Variants in RNF32 observed in about 807,000 individuals in gnomAD.
The protein encoded by RNF32 is ring finger protein 32.
RNF32 carries 36 observed loss-of-function variants against 41.0 expected under a neutral mutation model. That is an observed-to-expected ratio of 0.88 (90% CI 0.67 to 1.16). The LOEUF (loss-of-function observed/expected upper bound fraction) is 1.16. RNF32 is among the 50% of genes most tolerant of loss of function. The pLI, the probability that RNF32 is intolerant of heterozygous loss-of-function variation, is 0.00. For missense variants in RNF32, 413 were observed against 436.7 expected (o/e 0.95, Z 0.48); for synonymous variants, 154 against 160.9 (o/e 0.96, Z 0.32).
At chr7:156,642,058 G>A (rs1017592528) in intron 1 of RNF32, among the ~76,000 whole-genome samples, 1 of 152,184 alleles carries the variant, frequency 6.6e-6, no homozygotes, top group Non-Finnish European at 1.5e-5. Context: ...TTCGGTTGGA[G>A]TAATTTAATA....
At position 156,676,621 on chromosome 7, in the gene RNF32, G is replaced by T. The variant is rs746501649; in HGVS notation, c.1055G>T (p.Arg352Leu). The T allele has an allele frequency of 6.2e-7, 1 of 1,613,938 alleles. No homozygotes were observed. Among genetic ancestry groups the T allele is most frequent in the South Asian group, 1.1e-5 (1 of 91,068 alleles). Residue 352 changes from arginine (R) to leucine (L), a missense_variant, in exon 9 of 9, where the codon CGC (arginine) becomes CTC (leucine). Coordinates refer to ENST00000317955, the MANE Select transcript of RNF32 (RefSeq NM_030936.4). ...CCTTTCCATGCCTGTCCTCTCTGCC[G>T]CTCCTGCTACCAGAAGAAGATTCTT... ...RPPFHACPLCRSCYQKKILEC is the reference protein window; with the variant it reads ...RPPFHACPLCLSCYQKKILEC
At position 156,658,144 on chromosome 7, in the gene RNF32, T is replaced by C. The variant is rs762157098; in HGVS notation, c.467T>C (p.Phe156Ser). 2.2e-5 allele frequency: 35 copies of C among 1,613,890 alleles called. No individual in the cohort carries two copies. In the Admixed American group the frequency reaches 5.8e-4, roughly 27 times the overall value. Residue 156 changes from phenylalanine to serine, a missense_variant, in exon 6 of 9, where the codon TTT (phenylalanine) becomes TCT (serine). Transcript: ENST00000317955. ...TTTCTTCAGGCATGTCTTCAGGCTT[T>C]TGAAAAGTTCACAAATAAGAAAACC... Reference protein sequence around the residue: ...HVFHKACLQAFEKFTNKKTCP... With the variant: ...HVFHKACLQASEKFTNKKTCP...
chr7:156,657,617 T>G (rs752076254), intron 5 of RNF32, 44 bp downstream of exon 5: 1 of 1,584,236 alleles, frequency 6.3e-7, no homozygotes, highest in Admixed American at 1.7e-5. Context: ...CACATGTCGC[T>G]CTCACAGTGC....
At chr7:156,668,693 G>A (rs553060960) in intron 7 of RNF32, among the ~76,000 whole-genome samples, 10 of 152,298 alleles carry the variant, frequency 6.6e-5, no homozygotes, top group East Asian at 3.9e-4. Context: ...CATCGTCAGC[G>A]GGGCTTTTCT....
intron 7 of RNF32, among the ~76,000 whole-genome samples, chr7:156,665,467 G>A (rs1415724376): frequency 6.6e-6 from 1 of 152,174 alleles, no homozygotes; most frequent in Non-Finnish European, 1.5e-5. Flanking sequence ...ATGATCTGGG[G>A]AACAACAGTT....
At chr7:156,654,490 G>C (rs1799293727) in intron 3 of RNF32, 86 bp from the exon 4 acceptor site, 10 of 1,166,780 alleles carry the variant, frequency 8.6e-6, no homozygotes, top group Non-Finnish European at 1.2e-5. Context: ...TTTAATCTTT[G>C]TTTGCAAATG....
rs1799907071 is a variant in RNF32 at position 156,657,560 on chromosome 7, A to G, written c.437A>G (p.His146Arg). The G allele has an allele frequency of 1.2e-6, 2 of 1,614,048 alleles. No individual in the cohort carries two copies. Among genetic ancestry groups the G allele is most frequent in the South Asian group, 2.2e-5 (2 of 91,090 alleles). The change falls in exon 5 of 9, where the codon CAT (histidine) becomes CGT (arginine). Residue 146 changes from histidine to arginine, a missense_variant. By Grantham distance (29) the His-to-Arg change is conservative. Transcript: ENST00000317955. ...LRPQVLLSCS[H>R]VFHKACLQAF... ...GAACAGGTGCTGCTTTCATGCTCCCATGTGTTCCACAAAGTAAGTCCACCC... is the reference window on the plus strand; with the variant it reads ...GAACAGGTGCTGCTTTCATGCTCCCGTGTGTTCCACAAAGTAAGTCCACCC...
At chr7:156,664,054 A>G (rs1801006738) in intron 7 of RNF32, among the ~76,000 whole-genome samples, 1 of 152,226 alleles carries the variant, frequency 6.6e-6, no homozygotes, top group Non-Finnish European at 1.5e-5. Context: ...ATCCTAGCAG[A>G]ACGTGTGCAG....
chr7:156,654,727 C>T lies in RNF32; in HGVS notation c.417+9C>T. ...TCGAGCTTCGTCCTCAGGTGTTTAG[C>T]ATACGAGGGTGAGCTAGAGAGCTCC... On this transcript the variant is annotated intron_variant, in intron 4 of 8. Transcript: ENST00000317955. 6 of 1,612,428 alleles carry T rather than the reference C, an allele frequency of 3.7e-6. No homozygotes were observed. Among genetic ancestry groups the T allele is most frequent in the Middle Eastern group, 1.7e-4 (1 of 6,048 alleles).
chr7:156,675,937 G>C (rs995018442), intron 8 of RNF32, 74 bp downstream of exon 8: 1 of 1,457,872 alleles, frequency 6.9e-7, no homozygotes, highest in African/African-American at 1.4e-5. Context: ...TGGCATGTGG[G>C]GGGAGGTCGA....
chr7:156,644,375 A>G, intron 2 of RNF32, 124 bp from the exon 3 acceptor site: 1 of 737,284 alleles, frequency 1.4e-6, no homozygotes, highest in East Asian at 2.6e-5. Context: ...CAATGAGTCA[A>G]GCATTCCTTA....
rs961268498 is a variant in RNF32 at position 156,670,520 on chromosome 7, A to G, written c.685-5176A>G. Among the ~76,000 whole-genome samples the G allele has an allele frequency of 2.0e-5, 3 of 152,260 alleles. No individual in the cohort carries two copies. Among genetic ancestry groups the G allele is most frequent in the African/African-American group, 7.2e-5 (3 of 41,472 alleles). On this transcript the variant is annotated intron_variant, in intron 7 of 8. Transcript: ENST00000317955. This position sits in a 1 kb window ranked among gnomAD's most constrained non-coding sequence, Gnocchi z 4.3. ...ATTTTCCAGATCTGAAGAAGATACA[A>G]GCCACAGATTTAAGAAGCCCAAGGA... is the stretch of plus-strand genomic sequence containing the variant.
rs764687444 is a variant in RNF32, at chr7:156,657,524, T to C, written c.418-17T>C. ...TCTTTTGTAAACTTCAACGTCGTTC[T>C]GTTTCCTCATGAACAGGTGCTGCTT... On this transcript the variant is annotated splice_polypyrimidine_tract_variant and intron_variant, in intron 4 of 8. Transcript: ENST00000317955. 1 of 1,614,034 alleles carries C rather than the reference T, an allele frequency of 6.2e-7. No homozygotes were observed. The highest frequency in any genetic ancestry group is 8.5e-7 in the Non-Finnish European group (1 of 1,179,826).
At chr7:156,667,619 C>A (rs1358338272) in intron 7 of RNF32, among the ~76,000 whole-genome samples, 1 of 152,076 alleles carries the variant, frequency 6.6e-6, no homozygotes, top group Non-Finnish European at 1.5e-5. Context: ...GGTCATCTAA[C>A]CCACATAAAA....
Position 156,675,678 on chromosome 7 carries a change from C to CTCACCGCTG in RNF32, c.685-18_685-17insTCACCGCTG. On this transcript the variant is annotated splice_polypyrimidine_tract_variant and intron_variant, in intron 7 of 8. Coordinates refer to ENST00000317955, the MANE Select transcript of RNF32 (RefSeq NM_030936.4). Reference sequence around the variant, plus strand: ...CCGAGCTCAGGTGTGAGCTTACCCGCCCCCGCCTCCTCCTCAGTTCACAGA... The same window carrying CTCACCGCTG: ...CCGAGCTCAGGTGTGAGCTTACCCGCTCACCGCTGCCCCGCCTCCTCCTCAGTTCACAGA... 1 of 1,591,310 alleles carries CTCACCGCTG rather than the reference C, an allele frequency of 6.3e-7. No homozygotes were observed. Among genetic ancestry groups the CTCACCGCTG allele is most frequent in the Non-Finnish European group, 8.6e-7 (1 of 1,160,090 alleles).
intron 6 of RNF32, 80 bp from the exon 7 acceptor site, chr7:156,658,382 C>A: frequency 6.6e-7 from 1 of 1,516,922 alleles, no homozygotes; most frequent in Non-Finnish European, 9.1e-7. Flanking sequence ...TTGTACAGCA[C>A]AGGGCTTATA....
At chr7:156,655,144 A>C (rs1355741378) in intron 4 of RNF32, among the ~76,000 whole-genome samples, 1 of 152,204 alleles carries the variant, frequency 6.6e-6, no homozygotes, top group Non-Finnish European at 1.5e-5. Flanking sequence ...AATCTTTAAG[A>C]AAAGTAAAAT....
intron 3 of RNF32, among the ~76,000 whole-genome samples, chr7:156,646,860 TG>T (rs1180945470): frequency 3.2e-4 from 49 of 152,256 alleles, no homozygotes; most frequent in African/African-American, 1.0e-3. Context: ...CATTTTGTTT[TG>T]TTTTTTTTGA....
At chr7:156,674,296 C>T (rs1437494620) in intron 7 of RNF32, among the ~76,000 whole-genome samples, 1 of 152,172 alleles carries the variant, frequency 6.6e-6, no homozygotes, top group Non-Finnish European at 1.5e-5. Context: ...AGACATGAGC[C>T]ACGTCCATCT....
Sources: gnomAD v4.1 joint callset for allele counts (sites outside exome capture counted in the v4.1 genomes callset) on GRCh38, gnomAD v4.1.1 for gene constraint, Gnocchi (gnomAD v3.1) non-coding constraint, MANE v1.5 for transcripts, NCBI Gene and HGNC (gene_info 2026-07-23, HGNC 2026-07-21) for gene names.